Variants in ARFIP1 observed in about 807,000 individuals in gnomAD.
ARFIP1 encodes ARF interacting protein 1.
In ARFIP1, 24 loss-of-function variants were observed where a neutral mutation model predicts 42.5. That is an observed-to-expected ratio of 0.57 (90% CI 0.41 to 0.80). ARFIP1 has a LOEUF of 0.80. Among genes scored for constraint, ARFIP1 ranks in the 30% least tolerant of loss-of-function variants. The pLI, the probability that ARFIP1 is intolerant of heterozygous loss-of-function variation, is 0.00. For synonymous variants in ARFIP1, 141 were observed against 153.7 expected, an observed-to-expected ratio of 0.92 and a Z score of 0.61; for missense variants, 354 against 434.0, an observed-to-expected ratio of 0.82 and a Z score of 1.64.
intron 2 of ARFIP1, among the ~76,000 whole-genome samples, chr4:152,855,260 T>C (rs763242738): frequency 2.0e-5 from 3 of 152,016 alleles, no homozygotes; most frequent in Non-Finnish European, 4.4e-5. Context: ...GCCCCCAGAC[T>C]ATGTGTTCTG....
intron 7 of ARFIP1, among the ~76,000 whole-genome samples, chr4:152,886,102 G>A (rs570907481): frequency 3.9e-5 from 6 of 151,992 alleles, no homozygotes; most frequent in Non-Finnish European, 8.8e-5. Flanking sequence ...TAAATCTTTT[G>A]TATTTGTCTC....
intron 8 of ARFIP1, among the ~76,000 whole-genome samples, chr4:152,901,004 T>C (rs1737786359): frequency 6.6e-6 from 1 of 152,206 alleles, no homozygotes; most frequent in South Asian, 2.1e-4. Flanking sequence ...TTTTTGCCAT[T>C]ACTTTCAATG....
At chr4:152,908,566 C>T (rs963767227) in intron 8 of ARFIP1, among the ~76,000 whole-genome samples, 6 of 151,740 alleles carry the variant, frequency 4.0e-5, no homozygotes, top group Admixed American at 2.0e-4. Context: ...GCTGAGATGG[C>T]GCCACTGCAC....
chr4:152,880,843 C>A (rs953148700), intron 5 of ARFIP1, 120 bp from the exon 6 acceptor site: 2 of 724,822 alleles, frequency 2.8e-6, no homozygotes, highest in Admixed American at 2.6e-5. Flanking sequence ...AGGGAGCTGA[C>A]AATTTTCAGT....
chr4:152,888,345 T>C, intron 8 of ARFIP1, 38 bp downstream of exon 8: 1 of 1,431,126 alleles, frequency 7.0e-7, no homozygotes, highest in Non-Finnish European at 9.4e-7. Flanking sequence ...CTGTGGACTT[T>C]GAAGTCACCC....
At chr4:152,831,229 T>C (rs1366448619) in intron 2 of ARFIP1, among the ~76,000 whole-genome samples, 11 of 152,226 alleles carry the variant, frequency 7.2e-5, no homozygotes, top group Admixed American at 7.2e-4. Flanking sequence ...GTAACAGCTC[T>C]TTTTGCAAAC....
chr4:152,864,128 T>G (rs926049286), intron 3 of ARFIP1, among the ~76,000 whole-genome samples: 3 of 152,198 alleles, frequency 2.0e-5, no homozygotes, highest in Admixed American at 6.5e-5. Context: ...CCACACTCAT[T>G]AAAAGTTTGT....
At chr4:152,843,068 G>A (rs537520433) in intron 2 of ARFIP1, among the ~76,000 whole-genome samples, 2 of 152,224 alleles carry the variant, frequency 1.3e-5, no homozygotes, top group Admixed American at 1.3e-4. Context: ...GAAGGTCTAG[G>A]GCTGAAGGCT....
At chr4:152,847,381 C>A (rs1430125380) in intron 2 of ARFIP1, among the ~76,000 whole-genome samples, 2 of 151,636 alleles carry the variant, frequency 1.3e-5, no homozygotes, top group South Asian at 4.2e-4. Context: ...GATCCTCCTG[C>A]CCTGGTCCCC....
chr4:152,847,220 C>T (rs1425347742), intron 2 of ARFIP1, among the ~76,000 whole-genome samples: 1 of 143,112 alleles, frequency 7.0e-6, no homozygotes, highest in East Asian at 2.1e-4. Context: ...GCAACCTCCG[C>T]CTCCCAGGTT....
intron 1 of ARFIP1, among the ~76,000 whole-genome samples, chr4:152,802,828 A>T (rs936649859): frequency 7.2e-5 from 11 of 152,164 alleles, no homozygotes; most frequent in Admixed American, 5.9e-4. Context: ...TAGTCTTTGG[A>T]TGACTCTTAT....
chr4:152,874,496 A>G (rs1735156854), intron 5 of ARFIP1, among the ~76,000 whole-genome samples: 1 of 152,240 alleles, frequency 6.6e-6, no homozygotes, highest in African/African-American at 2.4e-5. Context: ...AAAAAAGTTC[A>G]TAGTGTAATG....
At position 152,888,186 on chromosome 4, in the gene ARFIP1, G is replaced by A. The variant is rs1436501981; in HGVS notation, c.845G>A (p.Arg282His). 4 of 1,611,684 alleles carry A rather than the reference G, an allele frequency of 2.5e-6. No homozygotes were observed. Among genetic ancestry groups the A allele is most frequent in the African/African-American group, 2.7e-5 (2 of 74,790 alleles). ...TTGGAAGAACTGAATCTTGGACCAC[G>A]TGACGCAAACACTCTGCCAAAGATT... ...TDLEELNLGP[R>H]DANTLPKIEQ... Residue 282 changes from arginine to histidine, a missense_variant, in exon 8 of 9, where the codon CGT becomes CAT. Arg to His is a conservative substitution (Grantham distance 29). Transcript: ENST00000353617.
At chr4:152,873,718 A>G (rs1444050064) in intron 5 of ARFIP1, among the ~76,000 whole-genome samples, 3 of 152,064 alleles carry the variant, frequency 2.0e-5, no homozygotes, top group Non-Finnish European at 4.4e-5. Context: ...GTTCATATTT[A>G]TTACTCTCTC....
intron 8 of ARFIP1, among the ~76,000 whole-genome samples, chr4:152,900,006 G>T (rs1323933089): frequency 1.3e-5 from 2 of 152,082 alleles, no homozygotes; most frequent in African/African-American, 4.8e-5. Flanking sequence ...ATACAATGCT[G>T]TAATGCTGCC....
chr4:152,791,506 G>A (rs1731144682), intron 1 of ARFIP1, among the ~76,000 whole-genome samples: 1 of 152,090 alleles, frequency 6.6e-6, no homozygotes, highest in South Asian at 2.1e-4. Flanking sequence ...CAGGTTTTAA[G>A]CAATGTCATC....
At position 152,882,747 on chromosome 4, in the gene ARFIP1, A is replaced by T; in HGVS notation, c.658A>T (p.Thr220Ser). Residue 220 changes from threonine (T) to serine (S), a missense_variant, in exon 7 of 9, where the codon ACC (threonine) becomes TCC (serine). By Grantham distance (58) the Thr-to-Ser change is moderately conservative. Coordinates refer to ENST00000353617, the MANE Select transcript of ARFIP1 (RefSeq NM_001025595.3). ...GGAAGAATTTGGCTATAATGCCGAT[A>T]CCCAGAAACTGCTGGCTAAAAATGG... ...LHEEFGYNAD[T>S]QKLLAKNGET... 1.2e-6 allele frequency: 2 copies of T among 1,613,508 alleles called. No individual in the cohort carries two copies. The highest frequency in any genetic ancestry group is 1.7e-6 in the Non-Finnish European group (2 of 1,179,608).
intron 1 of ARFIP1, among the ~76,000 whole-genome samples, chr4:152,815,887 G>A (rs1303712528): frequency 6.6e-6 from 1 of 151,132 alleles, no homozygotes; most frequent in African/African-American, 2.4e-5. Flanking sequence ...TGGGACTACA[G>A]GCGCCCGCCA....
chr4:152,834,257 A>C (rs946357159), intron 2 of ARFIP1, among the ~76,000 whole-genome samples: 2 of 152,132 alleles, frequency 1.3e-5, no homozygotes, highest in African/African-American at 4.8e-5. Context: ...TCAACATGGG[A>C]TTTGGAGGGA....
Sources: gnomAD v4.1 joint callset for allele counts (sites outside exome capture counted in the v4.1 genomes callset) on GRCh38, gnomAD v4.1.1 for gene constraint, MANE v1.5 for transcripts, NCBI Gene and HGNC (gene_info 2026-07-23, HGNC 2026-07-21) for gene names.